The following THRB variants were observed in gnomAD, a reference collection of about 807,000 sequenced individuals.
The protein encoded by THRB is nuclear receptor subfamily 1 group A member 2.
THRB carries 12 observed loss-of-function variants against 47.8 expected under a neutral mutation model. The observed-to-expected ratio is 0.25, with a 90% confidence interval of 0.16 to 0.41. The LOEUF (loss-of-function observed/expected upper bound fraction) is 0.41. Among genes scored for constraint, THRB ranks in the 10% least tolerant of loss-of-function variants. The pLI is 1.00. For synonymous variants in THRB, 218 were observed against 212.2 expected, an observed-to-expected ratio of 1.03 and a Z score of -0.24; for missense variants, 348 against 589.2, an observed-to-expected ratio of 0.59 and a Z score of 4.24.
intron 3 of THRB, among the ~76,000 whole-genome samples, chr3:24,265,846 AC>A (rs2052596282): frequency 6.6e-6 from 1 of 152,210 alleles, no homozygotes; most frequent in Non-Finnish European, 1.5e-5. Flanking sequence ...TAGAGGAAAG[AC>A]AAGCAACAAA....
At chr3:24,148,775 T>C (rs1436881753) in intron 6 of THRB, among the ~76,000 whole-genome samples, 1 of 152,200 alleles carries the variant, frequency 6.6e-6, no homozygotes, top group East Asian at 1.9e-4. Context: ...ATGCCCGAGG[T>C]AGGATTTTAT....
At position 24,269,434 on chromosome 3, in the gene THRB, CACACACACTT is replaced by C. The variant is rs1286591705; in HGVS notation, c.-43+27782_-43+27791del. 7.1e-4 allele frequency among the ~76,000 whole-genome samples: 90 copies of C among 127,344 alleles called. 2 individuals carry two copies. The highest frequency in any genetic ancestry group is 2.4e-3 in the African/African-American group (86 of 35,328). 83.5% of individuals were successfully genotyped at this position (127,344 alleles called of 152,430 possible). ...ACACACACACACACACACACACACACACACACACTTAAGTTATCTTCGCTGTGTTGTCCAG... is the reference window on the plus strand; with the variant it reads ...ACACACACACACACACACACACACACAAGTTATCTTCGCTGTGTTGTCCAG... On this transcript the variant is annotated intron_variant, in intron 3 of 10. Coordinates refer to ENST00000646209, the MANE Select transcript of THRB (RefSeq NM_001354712.2).
Position 24,146,787 on chromosome 3 carries a change from A to T in THRB, c.420T>A (p.His140Gln). The change falls in exon 7 of 11, where the codon CAT becomes CAA. Residue 140 changes from histidine (H) to glutamine (Q), a missense_variant. By Grantham distance (24) the His-to-Gln change is conservative. This residue lies in a region of THRB where 112 missense variants were observed against 212.3 expected (regional missense o/e 0.53). Coordinates refer to ENST00000646209, the MANE Select transcript of THRB (RefSeq NM_001354712.2). ...FFRRTIQKNL[H>Q]PSYSCKYEGK... ...CTTCATATTTACAGGAATAGGATGG[A>T]TGGAGATTTTTCTGAATGGTTCTTC... The T allele has an allele frequency of 6.2e-7, 1 of 1,614,042 alleles. No homozygotes were observed. The highest frequency in any genetic ancestry group is 8.5e-7 in the Non-Finnish European group (1 of 1,179,890).
At chr3:24,467,803 G>T (rs2074269095) in intron 1 of THRB, among the ~76,000 whole-genome samples, 1 of 152,158 alleles carries the variant, frequency 6.6e-6, no homozygotes, top group Admixed American at 6.5e-5. Flanking sequence ...AGGGCCCTCA[G>T]GTATTCATAA....
intron 1 of THRB, among the ~76,000 whole-genome samples, chr3:24,359,140 C>T (rs1002055989): frequency 1.3e-5 from 2 of 152,086 alleles, no homozygotes; most frequent in African/African-American, 2.4e-5. Flanking sequence ...AGCAGGGCTT[C>T]GTTGGATGGT....
Position 24,190,317 on chromosome 3 carries a change from A to G in THRB, c.40T>C (p.Trp14Arg), listed in dbSNP as rs777353759. Reference sequence around the variant, plus strand: ...TCTGGACAGTGCTTCGGTTTGTCCCAGGCTGTAAGGCCATTTTCTAAAGGG... The same window carrying G: ...TCTGGACAGTGCTTCGGTTTGTCCCGGGCTGTAAGGCCATTTTCTAAAGGG... ...NSMTENGLTAWDKPKHCPDRE... is the reference protein window; with the variant it reads ...NSMTENGLTARDKPKHCPDRE... Residue 14 changes from tryptophan (W) to arginine (R), a missense_variant, in exon 5 of 11, where the codon TGG becomes CGG. Transcript: ENST00000646209. 127 of 1,613,976 alleles carry G rather than the reference A, an allele frequency of 7.9e-5. No individual in the cohort carries two copies. The highest frequency in any genetic ancestry group is 3.2e-4 in the Admixed American group (19 of 59,998).
At chr3:24,208,941 C>T (rs1378431628) in intron 4 of THRB, among the ~76,000 whole-genome samples, 1 of 152,160 alleles carries the variant, frequency 6.6e-6, no homozygotes, top group Non-Finnish European at 1.5e-5. Flanking sequence ...GCAATCTACG[C>T]ATCTGACAAA....
intron 3 of THRB, among the ~76,000 whole-genome samples, chr3:24,295,033 T>C (rs1000461480): frequency 2.0e-5 from 3 of 152,216 alleles, no homozygotes; most frequent in African/African-American, 7.2e-5. Context: ...AAAATGTCCC[T>C]GTAACTATGA....
rs2031817635 is a variant in THRB at position 24,122,229 on chromosome 3, A to G, written c.*655T>C. 6.5e-6 allele frequency: 1 copy of G among 153,718 alleles called. No homozygotes were observed. Among genetic ancestry groups the G allele is most frequent in the Admixed American group, 6.5e-5 (1 of 15,450 alleles). 9.5% of individuals were successfully genotyped at this position (153,718 alleles called of 1,614,324 possible). ...TTTTCCTTGTTGGCCTCCATCAGTC[A>G]ATACCTGCACATCCTTGAGTCACAC... On this transcript the variant is annotated 3_prime_UTR_variant, in exon 11 of 11. Transcript: ENST00000646209.
At chr3:24,181,365 C>T (rs561535379) in intron 5 of THRB, among the ~76,000 whole-genome samples, 4 of 152,278 alleles carry the variant, frequency 2.6e-5, no homozygotes, top group Admixed American at 2.0e-4. Flanking sequence ...ATTGATTTAG[C>T]CAAGGTTAAA....
chr3:24,451,038 T>G (rs534435181), intron 1 of THRB, among the ~76,000 whole-genome samples: 1 of 152,200 alleles, frequency 6.6e-6, no homozygotes, highest in African/African-American at 2.4e-5. Flanking sequence ...ACCCAGGTTT[T>G]GTTATAGGAA....
At chr3:24,207,853 A>C (rs1436880098) in intron 4 of THRB, among the ~76,000 whole-genome samples, 2 of 152,228 alleles carry the variant, frequency 1.3e-5, no homozygotes, top group African/African-American at 4.8e-5. Flanking sequence ...CAGGGCAATC[A>C]GGCAGGAGAA....
intron 5 of THRB, among the ~76,000 whole-genome samples, 156 bp from the exon 6 acceptor site, chr3:24,152,646 C>T (rs191347774): frequency 6.6e-6 from 1 of 152,168 alleles, no homozygotes; most frequent in African/African-American, 2.4e-5. Context: ...GAATTTTATA[C>T]TCATAGAGTT....
rs138392121 is a variant in THRB at position 24,201,370 on chromosome 3, C to A, written c.23-11036G>T. ...TGCTCAAATGGCTTGTGAATATCTA[C>A]GGCCCTGTTACTCAAAGTGCAGTCT... On this transcript the variant is annotated intron_variant, in intron 4 of 10. Coordinates refer to ENST00000646209, the MANE Select transcript of THRB (RefSeq NM_001354712.2). Among the ~76,000 whole-genome samples, 4 of 152,202 alleles carry A rather than the reference C, an allele frequency of 2.6e-5. No individual in the cohort carries two copies. The East Asian group carries it at 5.8e-4, about 22-fold the overall frequency.
intron 1 of THRB, among the ~76,000 whole-genome samples, chr3:24,391,754 C>T (rs974231079): frequency 2.6e-5 from 4 of 152,262 alleles, no homozygotes; most frequent in Non-Finnish European, 4.4e-5. Flanking sequence ...CTCTCCTTTT[C>T]CCCCAAATAC....
intron 8 of THRB, among the ~76,000 whole-genome samples, chr3:24,141,390 C>T (rs1265096309): frequency 6.6e-6 from 1 of 152,184 alleles, no homozygotes; most frequent in Non-Finnish European, 1.5e-5. Context: ...ACAACGTCAT[C>T]TCCTCAGAGA....
intron 3 of THRB, among the ~76,000 whole-genome samples, chr3:24,256,019 TTAAAGAACTCTAATATTG>T (rs2051241430): frequency 2.0e-5 from 3 of 152,148 alleles, no homozygotes; most frequent in African/African-American, 7.2e-5. Flanking sequence ...CACCCACTAT[TTAAAGAACTCTAATATTG>T]AAAAGTCAGG....
At chr3:24,195,611 C>A (rs1336436668) in intron 4 of THRB, among the ~76,000 whole-genome samples, 1 of 152,182 alleles carries the variant, frequency 6.6e-6, no homozygotes, top group African/African-American at 2.4e-5. Flanking sequence ...AATCTGATGA[C>A]TTCCCACCAA....
intron 1 of THRB, among the ~76,000 whole-genome samples, chr3:24,437,679 A>G (rs2071104566): frequency 6.6e-6 from 1 of 152,118 alleles, no homozygotes; most frequent in African/African-American, 2.4e-5. Context: ...TTTGCTGGAA[A>G]AAAAGGTGGG....
Sources: gnomAD v4.1 joint callset for allele counts (sites outside exome capture counted in the v4.1 genomes callset) on GRCh38, gnomAD v4.1.1 for gene constraint, gnomAD v4.1.1 regional missense constraint, MANE v1.5 for transcripts, NCBI Gene and HGNC (gene_info 2026-07-23, HGNC 2026-07-21) for gene names.